The following HMCN2 variants were observed in gnomAD, a reference collection of about 807,000 sequenced individuals.
HMCN2 encodes hemicentin-2.
HMCN2 carries 325 observed loss-of-function variants against 377.5 expected under a neutral mutation model. The observed-to-expected ratio is 0.86, with a 90% CI of 0.79 to 0.94. The LOEUF (loss-of-function observed/expected upper bound fraction) is 0.94, where lower values mean the gene tolerates loss of function less well. Ranked by LOEUF, HMCN2 falls within the 40% of genes least tolerant of loss-of-function variation. The probability of loss-of-function intolerance (pLI) is 0.00; values close to 1 mark genes in which losing one functional copy is unlikely to be tolerated. For synonymous variants in HMCN2, 2,007 were observed against 2,046.8 expected (o/e 0.98, Z 0.53); for missense variants, 4,543 against 4,725.3 (o/e 0.96, Z 1.13).
rs933745583 is a variant in HMCN2, at chr9:130,308,709, C to T, written c.2200+1143C>T. Among the ~76,000 whole-genome samples, 2 of 152,192 alleles carry T rather than the reference C, an allele frequency of 1.3e-5. No individual in the cohort carries two copies. The highest frequency in any genetic ancestry group is 2.9e-5 in the Non-Finnish European group (2 of 68,028). On this transcript the variant is annotated intron_variant, in intron 14 of 97. Coordinates refer to ENST00000683500, the MANE Select transcript of HMCN2 (RefSeq NM_001291815.2). This position sits in a 1 kb window ranked among gnomAD's most constrained non-coding sequence, Gnocchi z 4.1. Reference sequence around the variant, plus strand: ...CTGGCCAAGAACCCCGTCAACCCAGCCCTAGAGCCCCACTTTAAAAGGTGG... The same window carrying T: ...CTGGCCAAGAACCCCGTCAACCCAGTCCTAGAGCCCCACTTTAAAAGGTGG...
intron 22 of HMCN2, among the ~76,000 whole-genome samples, chr9:130,334,558 T>C (rs1401376401): frequency 6.6e-6 from 1 of 150,658 alleles, no homozygotes; most frequent in African/African-American, 2.4e-5. Context: ...AGTTTTTTTT[T>C]TTTTTTTTTT....
intron 4 of HMCN2, among the ~76,000 whole-genome samples, chr9:130,292,795 A>G (rs1038473063): frequency 7.2e-5 from 11 of 152,194 alleles, no homozygotes; most frequent in African/African-American, 2.7e-4. Context: ...GGAATAACCC[A>G]TCATCCCAGG....
At position 130,377,687 on chromosome 9, in the gene HMCN2, A is replaced by C; in HGVS notation, c.8100A>C (p.Glu2700Asp). 1 of 985,900 alleles carries C rather than the reference A, an allele frequency of 1.0e-6. No homozygotes were observed. Among genetic ancestry groups the C allele is most frequent in the South Asian group, 4.7e-5 (1 of 21,290 alleles). The allele number at this position is 985,900 out of a possible 1,614,324, so 61.1% of individuals were successfully genotyped here. A position where few individuals can be genotyped will look rare whatever the true frequency, so the allele number is the denominator to read the frequency against. Residue 2700 changes from glutamate to aspartate, a missense_variant, in exon 53 of 98, where the codon GAA becomes GAC. Transcript: ENST00000683500. ...TPSSRLQVLG[E>D]GRLLQIQPTQ... Reference sequence around the variant, plus strand: ...GCTCGCGGCTGCAGGTCCTGGGTGAAGGGCGACTGCTCCAGATCCAGCCCA... The same window carrying C: ...GCTCGCGGCTGCAGGTCCTGGGTGACGGGCGACTGCTCCAGATCCAGCCCA...
In HMCN2 at chr9:130,427,557, G is replaced by C; in HGVS notation, c.14003G>C (p.Gly4668Ala). Residue 4668 changes from glycine (G) to alanine (A), a missense_variant, in exon 92 of 98, where the codon GGC becomes GCC. Physicochemically the swap from Gly to Ala is moderately conservative, Grantham distance 60. Coordinates refer to ENST00000683500, the MANE Select transcript of HMCN2 (RefSeq NM_001291815.2). ...PCSHACLNAP[G>A]RFSCTCPTGF... Reference sequence around the variant, plus strand: ...TCCCATGCCTGCCTTAATGCACCCGGCCGCTTCTCCTGCACCTGCCCCACT... The same window carrying C: ...TCCCATGCCTGCCTTAATGCACCCGCCCGCTTCTCCTGCACCTGCCCCACT... The C allele has an allele frequency of 6.4e-7, 1 of 1,550,514 alleles. No homozygotes were observed. The highest frequency in any genetic ancestry group is 8.7e-7 in the Non-Finnish European group (1 of 1,146,974).
intron 53 of HMCN2, among the ~76,000 whole-genome samples, chr9:130,378,589 C>T (rs71481367): frequency 0.1 from 3,681 of 35,556 alleles, 67 homozygotes; most frequent in Admixed American, 0.14. Context: ...AATGGGGAGG[C>T]GGGGAGGCGG....
Position 130,347,168 on chromosome 9 carries a change from A to G in HMCN2, c.3832A>G (p.Thr1278Ala), listed in dbSNP as rs1041702650. The change falls in exon 26 of 98, where the codon ACG (threonine) becomes GCG (alanine). Residue 1278 changes from threonine to alanine, a missense_variant and splice_region_variant. By Grantham distance (58) the Thr-to-Ala change is moderately conservative. Transcript: ENST00000683500. The surrounding 1 kb of genome is among the most constrained non-coding windows in gnomAD (Gnocchi z 5.1). ...NASLPCPARGTPKPQVTWRKG... is the reference protein window; with the variant it reads ...NASLPCPARGAPKPQVTWRKG... ...GATGACTCCATGCACCCTGCCAGGA[A>G]CGCCCAAGCCGCAGGTCACATGGAG... 2.0e-4 allele frequency: 31 copies of G among 152,264 alleles called. No individual in the cohort carries two copies. The highest frequency in any genetic ancestry group is 7.2e-4 in the African/African-American group (30 of 41,540). 9.4% of individuals were successfully genotyped at this position (152,264 alleles called of 1,614,324 possible).
chr9:130,389,780 G>A (rs923599855), intron 62 of HMCN2, among the ~76,000 whole-genome samples: 7 of 152,110 alleles, frequency 4.6e-5, no homozygotes, highest in African/African-American at 1.7e-4. Flanking sequence ...CCACCATGTT[G>A]GTCAGGCTGG....
chr9:130,278,052 T>TC (rs1834885763), intron 1 of HMCN2, among the ~76,000 whole-genome samples: 1 of 83,594 alleles, frequency 1.2e-5, no homozygotes, highest in Non-Finnish European at 2.6e-5. Flanking sequence ...CCATCATCAT[T>TC]ACCACCACCA....
intron 23 of HMCN2, among the ~76,000 whole-genome samples, chr9:130,339,071 C>G (rs965105758): frequency 6.6e-6 from 1 of 152,068 alleles, no homozygotes; most frequent in African/African-American, 2.4e-5. Context: ...ACCTGTAGTC[C>G]CAGCTACTCA....
At chr9:130,314,267 G>C (rs1299513475) in intron 15 of HMCN2, among the ~76,000 whole-genome samples, 2 of 152,212 alleles carry the variant, frequency 1.3e-5, no homozygotes, top group African/African-American at 4.8e-5. Context: ...CTGTGGCGAG[G>C]GGGCCATGGC....
chr9:130,345,204 T>C (rs1363803708), intron 25 of HMCN2, among the ~76,000 whole-genome samples: 5 of 145,668 alleles, frequency 3.4e-5, no homozygotes, highest in Non-Finnish European at 7.5e-5. Flanking sequence ...GTTTGTGGTA[T>C]GTATTGTGTG....
intron 19 of HMCN2, among the ~76,000 whole-genome samples, chr9:130,322,943 G>T (rs1458095760): frequency 3.9e-5 from 6 of 152,180 alleles, no homozygotes; most frequent in Admixed American, 3.3e-4. Flanking sequence ...GGAAGAACGC[G>T]CGTTCCCCAT....
Position 130,349,595 on chromosome 9 carries a change from A to G in HMCN2, c.4362A>G (p.Ala1454=), listed in dbSNP as rs1026679571. The G allele has an allele frequency of 8.4e-6, 11 of 1,303,898 alleles. No homozygotes were observed. In the African/African-American group the frequency reaches 1.7e-4, roughly 20 times the overall value. 80.8% of individuals were successfully genotyped at this position (1,303,898 alleles called of 1,614,324 possible). A position where few individuals can be genotyped will look rare whatever the true frequency, so the allele number is the denominator to read the frequency against. Residue 1454 remains alanine (A), a synonymous_variant, in exon 29 of 98, where the codon GCA becomes GCG. Transcript: ENST00000683500. ...AGGAGGTGCTAGGATTGGCCGGTGC[A>G]GACGTGGAGCTGCAGTGTTGGACCT... ...AAQEVLGLAG[A]DVELQCWTSG... is the part of the protein sequence containing the mutation.
At chr9:130,390,482 G>A (rs1010653920) in intron 62 of HMCN2, among the ~76,000 whole-genome samples, 3 of 152,250 alleles carry the variant, frequency 2.0e-5, no homozygotes, top group African/African-American at 4.8e-5. Context: ...CAAGGAGATC[G>A]TCCTGGGCTG....
chr9:130,363,726 A>G (rs1232661307), intron 40 of HMCN2, among the ~76,000 whole-genome samples: 1 of 151,540 alleles, frequency 6.6e-6, no homozygotes, highest in Non-Finnish European at 1.5e-5. Flanking sequence ...GAAAGGCTGA[A>G]GCAGGAGAAT....
intron 86 of HMCN2, 144 bp downstream of exon 86, chr9:130,419,185 A>C (rs1588432239): frequency 1.3e-6 from 1 of 757,776 alleles, no homozygotes; most frequent in Middle Eastern, 2.5e-4. Context: ...CCCAGAATGA[A>C]CCCCTACCCT....
rs1554927616 is a variant in HMCN2, at chr9:130,286,218, G to A, written c.520G>A (p.Asp174Asn). The A allele has an allele frequency of 2.1e-6, 1 of 470,956 alleles. No homozygotes were observed. The highest frequency in any genetic ancestry group is 4.4e-6 in the Non-Finnish European group (1 of 227,024). The allele number at this position is 470,956 out of a possible 1,614,324, so 29.2% of individuals were successfully genotyped here. A position where few individuals can be genotyped will look rare whatever the true frequency, so the allele number is the denominator to read the frequency against. Residue 174 changes from aspartate to asparagine, a missense_variant, in exon 4 of 98, where the codon GAC becomes AAC. By Grantham distance (23) the Asp-to-Asn change is conservative. Coordinates refer to ENST00000683500, the MANE Select transcript of HMCN2 (RefSeq NM_001291815.2). Reference protein sequence around the residue: ...VVFVLTGDCGDRTHPGYLAYE... With the variant: ...VVFVLTGDCGNRTHPGYLAYE... ...CTTTGTGCTGACGGGGGACTGTGGC[G>A]ACCGCACCCATCCTGGCTACCTGGC... is the stretch of plus-strand genomic sequence containing the variant.
At chr9:130,343,780 G>T (rs1320748124) in intron 25 of HMCN2, among the ~76,000 whole-genome samples, 1 of 152,230 alleles carries the variant, frequency 6.6e-6, no homozygotes, top group Admixed American at 6.5e-5. Flanking sequence ...GGCTGCCCCG[G>T]CCTCCTTCCT....
At chr9:130,405,832 CCTTGGGCAAGTCA>C in intron 81 of HMCN2, 110 bp from the exon 82 acceptor site, 1 of 655,416 alleles carries the variant, frequency 1.5e-6, no homozygotes, top group Non-Finnish European at 2.2e-6. Flanking sequence ...AGCTGTGTGA[CCTTGGGCAAGTCA>C]CTTCCCCTCT....
Sources: gnomAD v4.1 joint callset for allele counts (sites outside exome capture counted in the v4.1 genomes callset) on GRCh38, gnomAD v4.1.1 for gene constraint, Gnocchi (gnomAD v3.1) non-coding constraint, MANE v1.5 for transcripts, NCBI Gene and HGNC (gene_info 2026-07-23, HGNC 2026-07-21) for gene names.